WWC2: variants seen among roughly 807,000 people sequenced by gnomAD.
WWC2 encodes WW and C2 domain containing 2, also known as protein WWC2.
In WWC2, 101 loss-of-function variants were observed where a neutral mutation model predicts 138.5. The ratio of observed to expected loss-of-function variants is 0.73; its 90% CI spans 0.62 to 0.86. The LOEUF is 0.86. Among genes scored for constraint, WWC2 ranks in the 40% least tolerant of loss-of-function variants. The pLI is 0.00. For synonymous variants in WWC2, 558 were observed against 538.4 expected (o/e 1.04, Z -0.50); for missense variants, 1,420 against 1,419.4 (o/e 1.00, Z -0.01).
chr4:183,277,382 T>G (rs1254174538), intron 16 of WWC2, among the ~76,000 whole-genome samples: 42 of 151,504 alleles, frequency 2.8e-4, no homozygotes, highest in African/African-American at 8.7e-4. Context: ...GTCTATCATT[T>G]TTGGACATTT....
intron 1 of WWC2, among the ~76,000 whole-genome samples, chr4:183,183,687 A>G (rs897063674): frequency 1.3e-5 from 2 of 152,078 alleles, no homozygotes; most frequent in African/African-American, 2.4e-5. Context: ...CTGAGGTGTT[A>G]GAATGGCTTC....
At chr4:183,119,585 C>T (rs964221039) in intron 1 of WWC2, among the ~76,000 whole-genome samples, 3 of 152,168 alleles carry the variant, frequency 2.0e-5, no homozygotes, top group African/African-American at 7.2e-5. Flanking sequence ...TGTAACCATG[C>T]ACTTTGCCCA....
Position 183,249,976 on chromosome 4 carries a change from T to C in WWC2, c.936T>C (p.Tyr312=), listed in dbSNP as rs142550794. 6.2e-6 allele frequency: 10 copies of C among 1,613,678 alleles called. No homozygotes were observed. In the African/African-American group the frequency reaches 1.3e-4, roughly 22 times the overall value. ...LAEKVRLSLQ[Y]EEAKRSMANL... is the part of the protein sequence containing the mutation. ...AAAAGGTCAGGCTAAGCCTACAGTA[T>C]GAAGAAGCCAAAAGAAGGTAATGAC... is the stretch of plus-strand genomic sequence containing the variant. Residue 312 remains tyrosine, a synonymous_variant, in exon 8 of 23, where the codon TAT becomes TAC. Transcript: ENST00000403733.
chr4:183,186,108 C>T (rs1278722429), intron 1 of WWC2, among the ~76,000 whole-genome samples: 2 of 152,006 alleles, frequency 1.3e-5, no homozygotes, highest in African/African-American at 4.8e-5. Context: ...CCACCACTCC[C>T]AGCTAATTTT....
At chr4:183,154,996 A>G (rs1311897851) in intron 1 of WWC2, among the ~76,000 whole-genome samples, 3 of 152,180 alleles carry the variant, frequency 2.0e-5, no homozygotes, top group Non-Finnish European at 4.4e-5. Flanking sequence ...CCATTGTATT[A>G]TAGAATAAGC....
intron 1 of WWC2, 110 bp downstream of exon 1, chr4:183,099,732 G>A: frequency 2.8e-6 from 3 of 1,068,610 alleles, no homozygotes; most frequent in Non-Finnish European, 3.5e-6. Flanking sequence ...GCCCCGAGGG[G>A]TCCCGGGAGG....
At chr4:183,243,672 C>G (rs553994982) in intron 5 of WWC2, among the ~76,000 whole-genome samples, 2 of 151,770 alleles carry the variant, frequency 1.3e-5, no homozygotes. Flanking sequence ...AAGTTTCTCC[C>G]TTGCCTTCTT....
intron 21 of WWC2, among the ~76,000 whole-genome samples, chr4:183,310,251 G>A (rs187056455): frequency 3.3e-5 from 5 of 152,270 alleles, no homozygotes; most frequent in Middle Eastern, 3.4e-3. Flanking sequence ...TGTAACAAAC[G>A]TACACTCTGG....
chr4:183,232,300 A>G (rs188100348), intron 4 of WWC2, among the ~76,000 whole-genome samples: 27 of 152,296 alleles, frequency 1.8e-4, no homozygotes, highest in African/African-American at 5.8e-4. Context: ...CCCATTTAAA[A>G]TGTACATTTT....
chr4:183,126,422 C>T (rs915512435), intron 1 of WWC2, among the ~76,000 whole-genome samples: 2 of 152,152 alleles, frequency 1.3e-5, no homozygotes, highest in South Asian at 4.1e-4. Flanking sequence ...ACTCAGCAGG[C>T]ATCATGGGGC....
At chr4:183,099,869 C>T (rs562029940) in intron 1 of WWC2, among the ~76,000 whole-genome samples, 53 of 152,292 alleles carry the variant, frequency 3.5e-4, no homozygotes, top group African/African-American at 1.2e-3. Flanking sequence ...TGCCCCGGGC[C>T]GACGCCGCGC....
chr4:183,217,781 C>T (rs2111257979), intron 4 of WWC2, among the ~76,000 whole-genome samples: 1 of 152,140 alleles, frequency 6.6e-6, no homozygotes, highest in Non-Finnish European at 1.5e-5. Context: ...ATGTCAGTGT[C>T]CTGTGGTTCA....
At chr4:183,103,836 A>G (rs1044857089) in intron 1 of WWC2, among the ~76,000 whole-genome samples, 2 of 148,102 alleles carry the variant, frequency 1.4e-5, no homozygotes, top group Non-Finnish European at 3.0e-5. Flanking sequence ...GGGTTTCACC[A>G]TGTTGGCCAG....
At chr4:183,252,848 T>C (rs1737020196) in intron 8 of WWC2, among the ~76,000 whole-genome samples, 1 of 152,090 alleles carries the variant, frequency 6.6e-6, no homozygotes, top group South Asian at 2.1e-4. Context: ...CCCCTTCTCT[T>C]TGGCAATGGG....
intron 1 of WWC2, among the ~76,000 whole-genome samples, chr4:183,181,839 T>A (rs1734642112): frequency 6.6e-6 from 1 of 152,216 alleles, no homozygotes; most frequent in Non-Finnish European, 1.5e-5. Flanking sequence ...TTGGAGTAGA[T>A]GTCACTCTAC....
intron 1 of WWC2, among the ~76,000 whole-genome samples, chr4:183,156,745 T>C (rs549506187): frequency 6.6e-6 from 1 of 152,354 alleles, no homozygotes; most frequent in Admixed American, 6.5e-5. Context: ...ACAATTTATC[T>C]TTTGCTCTTT....
intron 1 of WWC2, among the ~76,000 whole-genome samples, chr4:183,186,264 A>G (rs1045060610): frequency 6.6e-6 from 1 of 152,294 alleles, no homozygotes; most frequent in South Asian, 2.1e-4. Context: ...TATTGTAAGC[A>G]TTGAAGCTTT....
chr4:183,100,036 C>T (rs1435270157), intron 1 of WWC2, among the ~76,000 whole-genome samples: 1 of 152,230 alleles, frequency 6.6e-6, no homozygotes, highest in Non-Finnish European at 1.5e-5. Context: ...CTCCGGGCCA[C>T]CTGTGGCATC....
intron 9 of WWC2, among the ~76,000 whole-genome samples, chr4:183,257,437 A>C (rs932133122): frequency 3.3e-5 from 5 of 152,280 alleles, no homozygotes; most frequent in Non-Finnish European, 5.9e-5. Context: ...GTGAAGGCCC[A>C]CACTTCACAA....
Sources: allele counts gnomAD v4.1 joint callset (sites outside exome capture counted in the v4.1 genomes callset), GRCh38; gene constraint gnomAD v4.1.1; transcripts MANE v1.5; gene names NCBI Gene and HGNC (gene_info 2026-07-23, HGNC 2026-07-21).